CCDC88A: variants seen among roughly 807,000 people sequenced by gnomAD.
CCDC88A encodes the protein coiled-coil and HOOK domain protein 88A, also known as girdin.
Under a neutral mutation model 234.3 loss-of-function variants are expected in CCDC88A, and 54 were observed. The observed-to-expected ratio is 0.23, with a 90% CI of 0.19 to 0.29. CCDC88A has a LOEUF of 0.29. Ranked by LOEUF, CCDC88A falls within the 10% of genes least tolerant of loss-of-function variation. The pLI, the probability that CCDC88A is intolerant of heterozygous loss-of-function variation, is 1.00. For synonymous variants in CCDC88A, 753 were observed against 737.8 expected (o/e 1.02, Z -0.33); for missense variants, 1,832 against 2,123.4 (o/e 0.86, Z 2.70).
intron 9 of CCDC88A, among the ~76,000 whole-genome samples, chr2:55,347,626 T>TTTTTTTTA (rs70954103): frequency 7.1e-6 from 1 of 141,090 alleles, no homozygotes; most frequent in African/African-American, 2.9e-5. Context: ...TTTTTTTTTT[T>TTTTTTTTA]GAGACAGAGT....
chr2:55,319,469 G>T (rs771699949), intron 18 of CCDC88A, among the ~76,000 whole-genome samples: 35 of 152,064 alleles, frequency 2.3e-4, no homozygotes, highest in Middle Eastern at 3.2e-3. Context: ...GCAAAACTAA[G>T]TATATTCCAA....
intron 31 of CCDC88A, chr2:55,295,246 GT>G: frequency 2.2e-6 from 3 of 1,348,616 alleles, no homozygotes; most frequent in Non-Finnish European, 2.9e-6. Flanking sequence ...TTCTGTGCAG[GT>G]TTATCCAAAG....
chr2:55,313,104 T>G (rs1682534789), intron 22 of CCDC88A: 1 of 152,486 alleles, frequency 6.6e-6, no homozygotes, highest in African/African-American at 2.4e-5. Context: ...AGAGTTTCAC[T>G]CTTGTTGCCC....
chr2:55,339,825 CTTTTCTTT>C (rs946835870), intron 12 of CCDC88A, 177 bp from the exon 13 acceptor site: 10 of 516,460 alleles, frequency 1.9e-5, no homozygotes, highest in South Asian at 4.1e-5. Context: ...CTTTTTTTTC[CTTTTCTTT>C]TTTTCTTTTT....
intron 31 of CCDC88A, chr2:55,295,050 T>C (rs1293968206): frequency 1.2e-5 from 15 of 1,262,908 alleles, no homozygotes; most frequent in Non-Finnish European, 1.4e-5. Context: ...ATATATTATA[T>C]TGTGCAGTTT....
rs936060876 is a variant in CCDC88A at position 55,309,577 on chromosome 2, A to G, written c.4080-323T>C. On this transcript the variant is annotated intron_variant, in intron 23 of 32. Transcript: ENST00000436346. The surrounding 1 kb of genome is among the most constrained non-coding windows in gnomAD (Gnocchi z 5.1). Reference sequence around the variant, plus strand: ...CCTGCAAACACATGTTCATGCAAATATTTTTCTTTTCGGCAGAATTACTTA... The same window carrying G: ...CCTGCAAACACATGTTCATGCAAATGTTTTTCTTTTCGGCAGAATTACTTA... Among the ~76,000 whole-genome samples, 1 of 152,140 alleles carries G rather than the reference A, an allele frequency of 6.6e-6. No individual in the cohort carries two copies. The highest frequency in any genetic ancestry group is 1.5e-5 in the Non-Finnish European group (1 of 68,008).
intron 8 of CCDC88A, among the ~76,000 whole-genome samples, chr2:55,353,184 T>G (rs1670121650): frequency 2.0e-5 from 3 of 152,196 alleles, no homozygotes; most frequent in Admixed American, 2.0e-4. Flanking sequence ...TTTAATATAC[T>G]CTATGTCCAA....
chr2:55,351,486 AC>A (rs1263270442), intron 8 of CCDC88A, among the ~76,000 whole-genome samples: 2 of 152,046 alleles, frequency 1.3e-5, no homozygotes, highest in Admixed American at 1.3e-4. Flanking sequence ...AGCTGGGACC[AC>A]AGGCACATGC....
Position 55,288,119 on chromosome 2 carries a change from A to G in CCDC88A, c.*3081T>C, listed in dbSNP as rs1269618800. ...TTTGATTTGGTATTTAATAACAGTT[A>G]TAAGTACAATGGTAGACACTGAAAA... is the stretch of plus-strand genomic sequence containing the variant. On this transcript the variant is annotated 3_prime_UTR_variant, in exon 33 of 33. Coordinates refer to ENST00000436346, the MANE Select transcript of CCDC88A (RefSeq NM_001365480.1). 1 of 152,640 alleles carries G rather than the reference A, an allele frequency of 6.6e-6. No individual in the cohort carries two copies. The highest frequency in any genetic ancestry group is 2.1e-4 in the South Asian group (1 of 4,838). The allele number at this position is 152,640 out of a possible 1,614,324, so 9.5% of individuals were successfully genotyped here.
intron 29 of CCDC88A, among the ~76,000 whole-genome samples, chr2:55,298,550 G>T (rs1680473717): frequency 1.3e-5 from 2 of 151,852 alleles, no homozygotes; most frequent in Non-Finnish European, 1.5e-5. Flanking sequence ...ATCCAAAAAG[G>T]AACAAAACAA....
At position 55,333,497 on chromosome 2, in the gene CCDC88A, C is replaced by A. The variant is rs1461677199; in HGVS notation, c.2727+597G>T. 4.6e-5 allele frequency among the ~76,000 whole-genome samples: 7 copies of A among 152,064 alleles called. No individual in the cohort carries two copies. The East Asian group carries it at 7.7e-4, about 17-fold the overall frequency. On this transcript the variant is annotated intron_variant, in intron 15 of 32. Coordinates refer to ENST00000436346, the MANE Select transcript of CCDC88A (RefSeq NM_001365480.1). ...GGCTTTGAGGTCAAAATTCATGGGG[C>A]TTTGGAGTCTGAAAAATCTGGATTT...
At chr2:55,319,773 C>T (rs1307889694) in intron 18 of CCDC88A, among the ~76,000 whole-genome samples, 4 of 152,016 alleles carry the variant, frequency 2.6e-5, no homozygotes, top group African/African-American at 9.7e-5. Flanking sequence ...TTAATATTTT[C>T]AGGATTATTT....
rs371689075 is a variant in CCDC88A at position 55,301,898 on chromosome 2, C to G, written c.4646G>C (p.Arg1549Thr). The change falls in exon 27 of 33, where the codon AGA (arginine) becomes ACA (threonine). Residue 1549 changes from arginine (R) to threonine (T), a missense_variant. Arg to Thr is a moderately conservative substitution (Grantham distance 71). Around this residue, in one of 6 missense-constraint regions of CCDC88A, gnomAD observed 422 missense variants for 416.5 expected, o/e 1.01. Transcript: ENST00000436346. ...FSTVNSSAGF[R>T]SKQLVNNKDT... is the part of the protein sequence containing the mutation. The stretch of plus-strand genomic sequence containing the variant: ...TTTATTATTAACCAACTGCTTGGAT[C>G]TGAAGCCTGCAGAAGAGTTGACAGT... 2.9e-5 allele frequency: 46 copies of G among 1,614,034 alleles called. No individual in the cohort carries two copies. Among genetic ancestry groups the G allele is most frequent in the Non-Finnish European group, 3.9e-5 (46 of 1,180,032 alleles).
rs780778823 is a variant in CCDC88A at position 55,322,699 on chromosome 2, T to G, written c.2998-7A>C. On this transcript the variant is annotated splice_region_variant and splice_polypyrimidine_tract_variant and intron_variant, in intron 17 of 32. Coordinates refer to ENST00000436346, the MANE Select transcript of CCDC88A (RefSeq NM_001365480.1). ...CTTCATAATTTTTTTTCACCTAAAA[T>G]TTTATTTAAAATATTTTAATGGGGA... 1.4e-6 allele frequency: 2 copies of G among 1,460,478 alleles called. No homozygotes were observed. Among genetic ancestry groups the G allele is most frequent in the Non-Finnish European group, 1.8e-6 (2 of 1,082,436 alleles). 90.5% of individuals were successfully genotyped at this position (1,460,478 alleles called of 1,614,324 possible).
intron 3 of CCDC88A, among the ~76,000 whole-genome samples, chr2:55,385,361 G>C (rs1256283636): frequency 1.3e-5 from 2 of 152,158 alleles, no homozygotes; most frequent in Non-Finnish European, 2.9e-5. Context: ...CAGAAGATTT[G>C]ACACAAATAT....
chr2:55,359,496 T>G (rs1671005712), intron 7 of CCDC88A, among the ~76,000 whole-genome samples: 1 of 151,850 alleles, frequency 6.6e-6, no homozygotes, highest in Admixed American at 6.6e-5. Flanking sequence ...CTATACATTT[T>G]CAAAATAGTC....
chr2:55,365,630 T>C (rs1034471154), intron 5 of CCDC88A, among the ~76,000 whole-genome samples: 2 of 152,154 alleles, frequency 1.3e-5, no homozygotes, highest in African/African-American at 4.8e-5. Flanking sequence ...AATTTTCCCT[T>C]TACTCTTGTA....
chr2:55,313,430 G>A (rs532301717), intron 22 of CCDC88A: 1 of 152,296 alleles, frequency 6.6e-6, no homozygotes. Context: ...TTGATCAAGG[G>A]AAATCGGGTA....
rs548246601 is a variant in CCDC88A, at chr2:55,382,277, C to T, written c.273+6501G>A. On this transcript the variant is annotated intron_variant, in intron 3 of 32. Transcript: ENST00000436346. ...CCTAAAAAGTGTCTATTTTCTGTAG[C>T]AACTGGATTAATGGTACTGGAATCT... Among the ~76,000 whole-genome samples, 12 of 152,242 alleles carry T rather than the reference C, an allele frequency of 7.9e-5. No homozygotes were observed. The South Asian group carries it at 2.5e-3, about 32-fold the overall frequency.
Sources: allele counts gnomAD v4.1 joint callset (sites outside exome capture counted in the v4.1 genomes callset), GRCh38; gene constraint gnomAD v4.1.1; regional missense constraint gnomAD v4.1.1; non-coding constraint Gnocchi (gnomAD v3.1); transcripts MANE v1.5; gene names NCBI Gene and HGNC (gene_info 2026-07-23, HGNC 2026-07-21).